PLCG2: variants seen among roughly 807,000 people sequenced by gnomAD.
PLCG2 encodes 1-phosphatidylinositol 4,5-bisphosphate phosphodiesterase gamma-2.
In PLCG2, 69 loss-of-function variants were observed where a neutral mutation model predicts 175.6. That is an observed-to-expected ratio of 0.39 (90% CI 0.32 to 0.48). The LOEUF (loss-of-function observed/expected upper bound fraction) is 0.48. PLCG2 is among the 20% of genes least tolerant of loss of function. PLCG2 has a pLI of 0.91. For synonymous variants in PLCG2, 827 were observed against 624.0 expected, an observed-to-expected ratio of 1.33 and a Z score of -4.85; for missense variants, 1,798 against 1,650.9, an observed-to-expected ratio of 1.09 and a Z score of -1.54.
At chr16:81,878,711 C>T (rs2095866904) in intron 7 of PLCG2, among the ~76,000 whole-genome samples, 1 of 152,172 alleles carries the variant, frequency 6.6e-6, no homozygotes, top group African/African-American at 2.4e-5. Flanking sequence ...GCCCCGTGGT[C>T]TTTATCTTGT....
At chr16:81,942,898 C>G (rs997321030) in intron 30 of PLCG2, among the ~76,000 whole-genome samples, 3 of 150,920 alleles carry the variant, frequency 2.0e-5, no homozygotes, top group Admixed American at 1.3e-4. Context: ...TGACTAGAAA[C>G]AAGAAGAAGA....
At chr16:81,793,435 G>A (rs753201337) in intron 2 of PLCG2, among the ~76,000 whole-genome samples, 1 of 152,196 alleles carries the variant, frequency 6.6e-6, no homozygotes, top group Non-Finnish European at 1.5e-5. Context: ...AGCCGATGTG[G>A]TGCCACCTGT....
At chr16:81,932,991 T>C (rs1910566709) in intron 25 of PLCG2, among the ~76,000 whole-genome samples, 1 of 152,200 alleles carries the variant, frequency 6.6e-6, no homozygotes. Flanking sequence ...TTAAAAAATC[T>C]CCAAATAGTG....
At chr16:81,834,701 G>A (rs1339784854) in intron 2 of PLCG2, among the ~76,000 whole-genome samples, 1 of 152,184 alleles carries the variant, frequency 6.6e-6, no homozygotes, top group Non-Finnish European at 1.5e-5. Context: ...TGAGATCTGA[G>A]CAGGGTGGGG....
chr16:81,752,542 A>G (rs1317122356), intron 1 of PLCG2, among the ~76,000 whole-genome samples: 1 of 152,164 alleles, frequency 6.6e-6, no homozygotes, highest in East Asian at 1.9e-4. Context: ...GGCTGAGGGC[A>G]GGAGAGCAAG....
chr16:81,867,249 G>A (rs376594543), intron 5 of PLCG2, among the ~76,000 whole-genome samples: 6 of 152,312 alleles, frequency 3.9e-5, no homozygotes, highest in East Asian at 1.9e-4. Flanking sequence ...GAAACTAGGT[G>A]GTTTTCTCCT....
At chr16:81,811,631 G>A (rs1385419671) in intron 2 of PLCG2, among the ~76,000 whole-genome samples, 2 of 152,006 alleles carry the variant, frequency 1.3e-5, no homozygotes, top group Admixed American at 6.6e-5. Flanking sequence ...TTGGTTTCCT[G>A]TTCTTGTGTT....
At chr16:81,793,000 T>A (rs957992996) in intron 2 of PLCG2, among the ~76,000 whole-genome samples, 4 of 152,230 alleles carry the variant, frequency 2.6e-5, no homozygotes, top group African/African-American at 9.6e-5. Flanking sequence ...GATTTTATTT[T>A]ATGTTCTTTT....
chr16:81,879,022 T>C (rs1214631873), intron 7 of PLCG2, among the ~76,000 whole-genome samples: 1 of 152,146 alleles, frequency 6.6e-6, no homozygotes, highest in Non-Finnish European at 1.5e-5. Context: ...TCTTTCCTGG[T>C]TCTGGGAGCA....
At chr16:81,885,038 C>T (rs1908287149) in intron 9 of PLCG2, among the ~76,000 whole-genome samples, 1 of 145,556 alleles carries the variant, frequency 6.9e-6, no homozygotes, top group Non-Finnish European at 1.5e-5. Flanking sequence ...CAGGTATGTG[C>T]CACCATGCCT....
chr16:81,790,537 C>T (rs1204668163), intron 2 of PLCG2, among the ~76,000 whole-genome samples: 1 of 152,186 alleles, frequency 6.6e-6, no homozygotes, highest in East Asian at 1.9e-4. Flanking sequence ...AGAAGAACTC[C>T]CAGCTCTGGC....
intron 15 of PLCG2, among the ~76,000 whole-genome samples, chr16:81,907,346 C>T (rs766325394): frequency 6.6e-6 from 1 of 150,878 alleles, no homozygotes; most frequent in Non-Finnish European, 1.5e-5. Flanking sequence ...AAATATTGAA[C>T]GTAAGGTCTC....
intron 7 of PLCG2, among the ~76,000 whole-genome samples, chr16:81,874,948 G>GTTTTTTTTTTT (rs770994063): frequency 2.5e-5 from 1 of 40,770 alleles, no homozygotes; most frequent in Admixed American, 3.2e-4. Flanking sequence ...TATCCTATGT[G>GTTTTTTTTTTT]TTTTTTTTTT....
chr16:81,741,239 G>T (rs951326912), intron 1 of PLCG2, among the ~76,000 whole-genome samples: 1 of 152,148 alleles, frequency 6.6e-6, no homozygotes, highest in Non-Finnish European at 1.5e-5. Context: ...TGTGTGCCAG[G>T]TATTGTGCTG....
rs532755621 is a variant in PLCG2 at position 81,962,630 on chromosome 16, G to A, written c.*4632G>A. ...CACACAGATGTTGGCTGTTGTTAATGTGAAAATTAAACAGCTGTATCACAT... is the reference window on the plus strand; with the variant it reads ...CACACAGATGTTGGCTGTTGTTAATATGAAAATTAAACAGCTGTATCACAT... On this transcript the variant is annotated 3_prime_UTR_variant, in exon 33 of 33. Coordinates refer to ENST00000564138, the MANE Select transcript of PLCG2 (RefSeq NM_002661.5). 1 of 222,518 alleles carries A rather than the reference G, an allele frequency of 4.5e-6. No individual in the cohort carries two copies. Among genetic ancestry groups the A allele is most frequent in the African/African-American group, 2.2e-5 (1 of 44,792 alleles). 13.8% of individuals were successfully genotyped at this position (222,518 alleles called of 1,614,324 possible).
At chr16:81,927,646 C>A (rs527487924) in intron 23 of PLCG2, among the ~76,000 whole-genome samples, 1 of 152,290 alleles carries the variant, frequency 6.6e-6, no homozygotes, top group African/African-American at 2.4e-5. Context: ...CAGCCACTTT[C>A]AGCGTGCTAG....
At position 81,908,517 on chromosome 16, in the gene PLCG2, G is replaced by A; in HGVS notation, c.1659G>A (p.Glu553=). ...AGTTGCTGCAGGAATACTGCATGGA[G>A]ACGGGGGGCAAGGATGGCACCTTCC... The part of the protein sequence containing the change: ...AEKLLQEYCM[E]TGGKDGTFLV... The change falls in exon 17 of 33, where the codon GAG becomes GAA. Residue 553 remains glutamate, a synonymous_variant. Coordinates refer to ENST00000564138, the MANE Select transcript of PLCG2 (RefSeq NM_002661.5). The A allele has an allele frequency of 6.2e-7, 1 of 1,613,986 alleles. No homozygotes were observed. Among genetic ancestry groups the A allele is most frequent in the Non-Finnish European group, 8.5e-7 (1 of 1,180,004 alleles).
chr16:81,962,570 G>A lies in PLCG2; in HGVS notation c.*4572G>A, dbSNP rs1041688740. 3 of 220,638 alleles carry A rather than the reference G, an allele frequency of 1.4e-5. No individual in the cohort carries two copies. Among genetic ancestry groups the A allele is most frequent in the African/African-American group, 2.2e-5 (1 of 44,642 alleles). The allele number at this position is 220,638 out of a possible 1,614,324, so 13.7% of individuals were successfully genotyped here. A position where few individuals can be genotyped will look rare whatever the true frequency, so the allele number is the denominator to read the frequency against. ...AATTTATTTTTTATATAAATAGTAT[G>A]TGCTTTGTGTACATAGAGAATTAAG... On this transcript the variant is annotated 3_prime_UTR_variant, in exon 33 of 33. Coordinates refer to ENST00000564138, the MANE Select transcript of PLCG2 (RefSeq NM_002661.5).
At position 81,908,568 on chromosome 16, in the gene PLCG2, C is replaced by T. The variant is rs1384495487; in HGVS notation, c.1710C>T (p.Pro570=). ...TGGTTCGGGAGAGCGAGACCTTCCCCAATGACTACACCCTGTCCTTCTGGT... is the reference window on the plus strand; with the variant it reads ...TGGTTCGGGAGAGCGAGACCTTCCCTAATGACTACACCCTGTCCTTCTGGT... ...TFLVRESETF[P]NDYTLSFWRS... is the part of the protein sequence containing the mutation. The change falls in exon 17 of 33, where the codon CCC becomes CCT. Residue 570 remains proline (P), a synonymous_variant. Coordinates refer to ENST00000564138, the MANE Select transcript of PLCG2 (RefSeq NM_002661.5). 6.2e-7 allele frequency: 1 copy of T among 1,611,758 alleles called. No individual in the cohort carries two copies. The highest frequency in any genetic ancestry group is 2.2e-5 in the East Asian group (1 of 44,838).
Sources: gnomAD v4.1 joint callset for allele counts (sites outside exome capture counted in the v4.1 genomes callset) on GRCh38, gnomAD v4.1.1 for gene constraint, MANE v1.5 for transcripts, NCBI Gene and HGNC (gene_info 2026-07-23, HGNC 2026-07-21) for gene names.